The following ASB18 variants were observed in gnomAD, a reference collection of about 807,000 sequenced individuals.
The protein encoded by ASB18 is ankyrin repeat and SOCS box containing 18.
In ASB18, 33 loss-of-function variants were observed where a neutral mutation model predicts 33.4. That is an observed-to-expected ratio of 0.99 (90% CI 0.75 to 1.32). ASB18 has a LOEUF of 1.32. Among genes scored for constraint, ASB18 ranks in the 40% most tolerant of loss-of-function variants. ASB18 has a pLI of 0.00. For synonymous variants in ASB18, 295 were observed against 307.6 expected (o/e 0.96, Z 0.43); for missense variants, 694 against 655.5 (o/e 1.06, Z -0.64).
intron 3 of ASB18, among the ~76,000 whole-genome samples, chr2:236,227,764 CTTCT>C (rs139690377): frequency 0.025 from 3,853 of 152,312 alleles, 157 homozygotes; most frequent in African/African-American, 0.085. Flanking sequence ...GAAGCTGATG[CTTCT>C]TTCTGTCTTA....
intron 4 of ASB18, among the ~76,000 whole-genome samples, chr2:236,210,919 A>G (rs546403704): frequency 1.8e-4 from 27 of 152,332 alleles, no homozygotes; most frequent in African/African-American, 6.3e-4. Flanking sequence ...TTGATGCTCC[A>G]TCATTTTCTG....
In ASB18 at chr2:236,206,414, C is replaced by T. The variant is rs916001978; in HGVS notation, c.1101+7948G>A. 4.7e-4 allele frequency among the ~76,000 whole-genome samples: 72 copies of T among 152,030 alleles called. 7 individuals carry two copies. Among genetic ancestry groups the T allele is most frequent in the Non-Finnish European group, 7.4e-5 (5 of 68,012 alleles). On this transcript the variant is annotated intron_variant, in intron 4 of 5. Coordinates refer to ENST00000409749, the MANE Select transcript of ASB18 (RefSeq NM_212556.4). ...GAACAACAGGATATGAACAAGGAAA[C>T]GGGCCCATTGTTGCTGGAAGCCATC...
chr2:236,209,821 C>T lies in ASB18; in HGVS notation c.1101+4541G>A, dbSNP rs545139642. 2.6e-5 allele frequency among the ~76,000 whole-genome samples: 4 copies of T among 152,240 alleles called. No individual in the cohort carries two copies. The highest frequency in any genetic ancestry group is 9.6e-5 in the African/African-American group (4 of 41,462). ...CTGGCTGCCTAGTCTCAACTGGTGC[C>T]CCCTAGCTGTTTCCTCTCCAACGAC... On this transcript the variant is annotated intron_variant, in intron 4 of 5. Coordinates refer to ENST00000409749, the MANE Select transcript of ASB18 (RefSeq NM_212556.4). The surrounding 1 kb of genome is among the most constrained non-coding windows in gnomAD (Gnocchi z 4.4).
In ASB18 at chr2:236,253,247, G is replaced by A. The variant is rs151118551; in HGVS notation, c.205+10894C>T. The stretch of plus-strand genomic sequence containing the variant: ...TGTGCAAACGCCAGGAAGGGACTGC[G>A]GACTGAGGTGTTGTGGAGATGTGGC... On this transcript the variant is annotated intron_variant, in intron 1 of 5. Transcript: ENST00000409749. The surrounding 1 kb of genome is among the most constrained non-coding windows in gnomAD (Gnocchi z 5.4). Among the ~76,000 whole-genome samples the A allele has an allele frequency of 1.1e-4, 16 of 152,336 alleles. No individual in the cohort carries two copies. The highest frequency in any genetic ancestry group is 3.6e-4 in the African/African-American group (15 of 41,574).
chr2:236,202,215 C>T (rs1031017139), intron 4 of ASB18, among the ~76,000 whole-genome samples: 2 of 152,110 alleles, frequency 1.3e-5, no homozygotes, highest in East Asian at 1.9e-4. Context: ...CCTCCCAAAG[C>T]GCTGGGATTA....
At chr2:236,240,621 T>G in intron 2 of ASB18, among the ~76,000 whole-genome samples, 1 of 152,194 alleles carries the variant, frequency 6.6e-6, no homozygotes, top group Non-Finnish European at 1.5e-5. Flanking sequence ...AGCAAGTGTC[T>G]GCACATCTTG....
chr2:236,215,204 T>C lies in ASB18; in HGVS notation c.597-338A>G, dbSNP rs1007701714. Among the ~76,000 whole-genome samples the C allele has an allele frequency of 4.6e-5, 7 of 152,078 alleles. No homozygotes were observed. Among genetic ancestry groups the C allele is most frequent in the African/African-American group, 1.7e-4 (7 of 41,394 alleles). ...TGCTCCATGCACTGGTTACCTGAGC[T>C]CTTTGTCACACCTGGAGGTTAAGGG... On this transcript the variant is annotated intron_variant, in intron 3 of 5. Coordinates refer to ENST00000409749, the MANE Select transcript of ASB18 (RefSeq NM_212556.4). This position sits in a 1 kb window ranked among gnomAD's most constrained non-coding sequence, Gnocchi z 7.2.
At chr2:236,202,874 T>C in intron 4 of ASB18, among the ~76,000 whole-genome samples, 1 of 151,046 alleles carries the variant, frequency 6.6e-6, no homozygotes, top group East Asian at 1.9e-4. Flanking sequence ...GGATATGCCA[T>C]CATCCTTTCT....
At chr2:236,258,155 C>T (rs1395840400) in intron 1 of ASB18, among the ~76,000 whole-genome samples, 1 of 152,222 alleles carries the variant, frequency 6.6e-6, no homozygotes, top group Non-Finnish European at 1.5e-5. Context: ...CTGAAACTCA[C>T]CACTGGAGGC....
rs1036602479 is a variant in ASB18, at chr2:236,255,035, C to T, written c.205+9106G>A. ...AGCTGCCTGCTCCCCATTTGCGTTCCGCCGCGACTGAAAGCTTCCTGAAGT... is the reference window on the plus strand; with the variant it reads ...AGCTGCCTGCTCCCCATTTGCGTTCTGCCGCGACTGAAAGCTTCCTGAAGT... On this transcript the variant is annotated intron_variant, in intron 1 of 5. Transcript: ENST00000409749. The surrounding 1 kb of genome is among the most constrained non-coding windows in gnomAD (Gnocchi z 4.4). 6.6e-6 allele frequency among the ~76,000 whole-genome samples: 1 copy of T among 152,182 alleles called. No homozygotes were observed. Among genetic ancestry groups the T allele is most frequent in the East Asian group, 1.9e-4 (1 of 5,196 alleles).
intron 4 of ASB18, among the ~76,000 whole-genome samples, chr2:236,199,135 G>T (rs1041860650): frequency 2.0e-5 from 3 of 152,116 alleles, no homozygotes; most frequent in Non-Finnish European, 4.4e-5. Flanking sequence ...TTCCAGGTCG[G>T]AAGTGGTGGC....
At chr2:236,197,066 ATCC>A (rs1423846771) in intron 4 of ASB18, among the ~76,000 whole-genome samples, 3 of 151,376 alleles carry the variant, frequency 2.0e-5, no homozygotes, top group African/African-American at 7.3e-5. Context: ...ACTCCCATGT[ATCC>A]CCGCCCCCCC....
intron 3 of ASB18, among the ~76,000 whole-genome samples, chr2:236,232,372 C>G (rs1420599333): frequency 6.6e-6 from 1 of 151,720 alleles, no homozygotes; most frequent in Non-Finnish European, 1.5e-5. Context: ...ATGTATAGCA[C>G]TAAAAGCCTA....
Position 236,200,638 on chromosome 2 carries a change from C to T in ASB18, c.1102-4253G>A, listed in dbSNP as rs2060396354. 1.3e-5 allele frequency among the ~76,000 whole-genome samples: 2 copies of T among 152,168 alleles called. No homozygotes were observed. Among genetic ancestry groups the T allele is most frequent in the South Asian group, 2.1e-4 (1 of 4,828 alleles). ...TTTCCTCCCTCCTGCTGCCGGGACACCCCACTGGCTATACCCAGCTGGAAG... is the reference window on the plus strand; with the variant it reads ...TTTCCTCCCTCCTGCTGCCGGGACATCCCACTGGCTATACCCAGCTGGAAG... On this transcript the variant is annotated intron_variant, in intron 4 of 5. Transcript: ENST00000409749. The surrounding 1 kb of genome is among the most constrained non-coding windows in gnomAD (Gnocchi z 4.2).
rs895561196 is a variant in ASB18, at chr2:236,193,629, T to A, written c.*1243A>T. Reference sequence around the variant, plus strand: ...CTGACGAACATGGAGAAACCCCGTCTCTACTAAAAATAAAAAATTAGCCGG... The same window carrying A: ...CTGACGAACATGGAGAAACCCCGTCACTACTAAAAATAAAAAATTAGCCGG... On this transcript the variant is annotated 3_prime_UTR_variant, in exon 6 of 6. Coordinates refer to ENST00000409749, the MANE Select transcript of ASB18 (RefSeq NM_212556.4). The surrounding 1 kb of genome is among the most constrained non-coding windows in gnomAD (Gnocchi z 5.0). 6.6e-6 allele frequency among the ~76,000 whole-genome samples: 1 copy of A among 152,076 alleles called. No individual in the cohort carries two copies. Among genetic ancestry groups the A allele is most frequent in the Non-Finnish European group, 1.5e-5 (1 of 68,014 alleles).
chr2:236,216,135 G>T lies in ASB18; in HGVS notation c.597-1269C>A, dbSNP rs978679312. Among the ~76,000 whole-genome samples, 2 of 152,094 alleles carry T rather than the reference G, an allele frequency of 1.3e-5. No individual in the cohort carries two copies. Among genetic ancestry groups the T allele is most frequent in the African/African-American group, 2.4e-5 (1 of 41,408 alleles). On this transcript the variant is annotated intron_variant, in intron 3 of 5. Coordinates refer to ENST00000409749, the MANE Select transcript of ASB18 (RefSeq NM_212556.4). This position sits in a 1 kb window ranked among gnomAD's most constrained non-coding sequence, Gnocchi z 6.1. ...TCTTCACCCCCCTCCTTTTCTCTGC[G>T]GGTCTGCCGAGCCCTGTTGGAGGAC...
rs2060518382 is a variant in ASB18, at chr2:236,222,771, A to G, written c.597-7905T>C. On this transcript the variant is annotated intron_variant, in intron 3 of 5. Coordinates refer to ENST00000409749, the MANE Select transcript of ASB18 (RefSeq NM_212556.4). This position sits in a 1 kb window ranked among gnomAD's most constrained non-coding sequence, Gnocchi z 5.5. ...GTGGTGGCTCACGCCTGTAATCCCA[A>G]CACTTTGGGAGGCCGAGGTATGTGG... is the stretch of plus-strand genomic sequence containing the variant. 6.6e-6 allele frequency among the ~76,000 whole-genome samples: 1 copy of G among 152,106 alleles called. No homozygotes were observed. The highest frequency in any genetic ancestry group is 1.5e-5 in the Non-Finnish European group (1 of 68,018).
At position 236,241,584 on chromosome 2, in the gene ASB18, G is replaced by A. The variant is rs2060621541; in HGVS notation, c.206-182C>T. 9.6e-6 allele frequency: 7 copies of A among 727,914 alleles called. No individual in the cohort carries two copies. The highest frequency in any genetic ancestry group is 7.8e-5 in the South Asian group (5 of 64,088). 45.1% of individuals were successfully genotyped at this position (727,914 alleles called of 1,614,324 possible). ...GGAAAGATGGTCTTATGGAGTGTGAGCTATTTCTATTGTCATTACTCAATT... is the reference window on the plus strand; with the variant it reads ...GGAAAGATGGTCTTATGGAGTGTGAACTATTTCTATTGTCATTACTCAATT... On this transcript the variant is annotated intron_variant, in intron 1 of 5. Coordinates refer to ENST00000409749, the MANE Select transcript of ASB18 (RefSeq NM_212556.4). This position sits in a 1 kb window ranked among gnomAD's most constrained non-coding sequence, Gnocchi z 4.2.
chr2:236,246,833 A>AT (rs1044975388), intron 1 of ASB18, among the ~76,000 whole-genome samples: 1 of 151,972 alleles, frequency 6.6e-6, no homozygotes, highest in African/African-American at 2.4e-5. Context: ...TTGCCATTTT[A>AT]TTTTTTCTCA....
Sources: allele counts gnomAD v4.1 joint callset (sites outside exome capture counted in the v4.1 genomes callset), GRCh38; gene constraint gnomAD v4.1.1; non-coding constraint Gnocchi (gnomAD v3.1); transcripts MANE v1.5; gene names NCBI Gene and HGNC (gene_info 2026-07-23, HGNC 2026-07-21).